The following PDK2 variants were observed in gnomAD, a reference collection of about 807,000 sequenced individuals.
PDK2 encodes pyruvate dehydrogenase kinase 2, also known as pyruvate dehydrogenase kinase, isozyme 2.
A neutral mutation model predicts 50.4 loss-of-function variants in PDK2; 34 were observed. The observed-to-expected ratio is 0.68, with a 90% confidence interval of 0.51 to 0.90. The LOEUF is 0.90. Among genes scored for constraint, PDK2 ranks in the 40% least tolerant of loss-of-function variants. PDK2 has a pLI of 0.00. For synonymous variants in PDK2, 232 were observed against 216.0 expected (o/e 1.07, Z -0.65); for missense variants, 377 against 544.5 (o/e 0.69, Z 3.06).
rs1910238482 is a variant in PDK2 at position 50,101,665 on chromosome 17, C to T, written c.261-3706C>T. Among the ~76,000 whole-genome samples, 2 of 152,182 alleles carry T rather than the reference C, an allele frequency of 1.3e-5. No individual in the cohort carries two copies. Among genetic ancestry groups the T allele is most frequent in the Admixed American group, 6.5e-5 (1 of 15,282 alleles). ...GCTCAGCACCCCCTCTGCTCCCACA[C>T]AGGGCTGCAGGGCCCTCCTCCCACT... On this transcript the variant is annotated intron_variant, in intron 2 of 10. Transcript: ENST00000503176. This position sits in a 1 kb window ranked among gnomAD's most constrained non-coding sequence, Gnocchi z 4.2.
chr17:50,102,502 C>T (rs979539480), intron 2 of PDK2, among the ~76,000 whole-genome samples: 1 of 152,146 alleles, frequency 6.6e-6, no homozygotes, highest in Non-Finnish European at 1.5e-5. Flanking sequence ...AGCTCCCACC[C>T]GCTTCATCCC....
At position 50,097,475 on chromosome 17, in the gene PDK2, G is replaced by A. The variant is rs1567710861; in HGVS notation, c.171G>A (p.Leu57=). 2 of 1,613,954 alleles carry A rather than the reference G, an allele frequency of 1.2e-6. No individual in the cohort carries two copies. Among genetic ancestry groups the A allele is most frequent in the South Asian group, 1.1e-5 (1 of 91,082 alleles). Residue 57 remains leucine, a synonymous_variant, in exon 2 of 11, where the codon CTG becomes CTA. Coordinates refer to ENST00000503176, the MANE Select transcript of PDK2 (RefSeq NM_002611.5). ...KTSFTFLRQE[L]PVRLANIMKE... ...CCTTCACCTTCCTCAGGCAGGAGCT[G>A]CCTGTGCGCCTGGCCAACATCATGA...
At chr17:50,106,724 G>C (rs1910535114) in intron 4 of PDK2, 70 bp from the exon 5 acceptor site, 16 of 1,307,060 alleles carry the variant, frequency 1.2e-5, no homozygotes, top group Non-Finnish European at 1.8e-5. Flanking sequence ...GAGGAGGAAA[G>C]CCCGGGGGAA....
At position 50,108,333 on chromosome 17, in the gene PDK2, G is replaced by A. The variant is rs755434188; in HGVS notation, c.777G>A (p.Ala259=). 44 of 1,613,874 alleles carry A rather than the reference G, an allele frequency of 2.7e-5. No individual in the cohort carries two copies. The highest frequency in any genetic ancestry group is 3.3e-5 in the Non-Finnish European group (39 of 1,179,902). Residue 259 remains alanine, a synonymous_variant, in exon 8 of 11, where the codon GCG becomes GCA. Transcript: ENST00000503176. ...CCCCTCCGCAGAATGCCATGAGGGC[G>A]ACTGTGGAAAGCCATGAGTCCAGCC... ...LFELFKNAMR[A]TVESHESSLI...
Position 50,106,898 on chromosome 17 carries a change from C to T in PDK2, c.607+15C>T, listed in dbSNP as rs201610842. ...GGTGGTCAAAGGTGAGCCATTCCCA[C>T]GGTGCCTGGCCCGCAGAGAAGCCCC... On this transcript the variant is annotated intron_variant, in intron 5 of 10. Transcript: ENST00000503176. 335 of 1,609,246 alleles carry T rather than the reference C, an allele frequency of 2.1e-4. 5 individuals carry two copies. In the East Asian group the frequency reaches 4.4e-3, roughly 21 times the overall value.
At chr17:50,104,807 G>T (rs1049543827) in intron 2 of PDK2, among the ~76,000 whole-genome samples, 4 of 152,218 alleles carry the variant, frequency 2.6e-5, no homozygotes, top group Non-Finnish European at 5.9e-5. Context: ...GCCGAGGCAG[G>T]TGCCTGGCCC....
intron 2 of PDK2, chr17:50,097,819 C>T: frequency 2.4e-6 from 1 of 412,252 alleles, no homozygotes; most frequent in Non-Finnish European, 4.4e-6. Context: ...ACAGGATCCA[C>T]CTAGGAAAGC....
chr17:50,106,948 C>A, intron 5 of PDK2, 65 bp downstream of exon 5: 3 of 1,501,304 alleles, frequency 2.0e-6, no homozygotes, highest in Non-Finnish European at 2.8e-6. Flanking sequence ...GCTTACCTGG[C>A]CAGAGGGTGA....
chr17:50,106,227 T>C (rs1910510570), intron 4 of PDK2, 158 bp downstream of exon 4: 3 of 1,421,462 alleles, frequency 2.1e-6, no homozygotes, highest in Non-Finnish European at 2.8e-6. Context: ...GGCTCCAACA[T>C]GGAAAAATAA....
In PDK2 at chr17:50,108,473, G is replaced by T. The variant is rs546691225; in HGVS notation, c.861+56G>T. On this transcript the variant is annotated intron_variant, in intron 8 of 10. Transcript: ENST00000503176. ...GAGCAGTAGTGGGGGCTTCCCTCCT[G>T]CCAGGAGACGGGCTTTCCTTTTCTC... 398 of 1,467,094 alleles carry T rather than the reference G, an allele frequency of 2.7e-4. 7 individuals are homozygous for T. The South Asian group carries it at 3.8e-3, about 14-fold the overall frequency. The allele number at this position is 1,467,094 out of a possible 1,614,324, so 90.9% of individuals were successfully genotyped here.
chr17:50,105,201 G>T, intron 2 of PDK2, 170 bp from the exon 3 acceptor site: 1 of 494,000 alleles, frequency 2.0e-6, no homozygotes, highest in South Asian at 3.6e-5. Flanking sequence ...TTGTCAGGGA[G>T]ACTCACATAC....
At chr17:50,095,209 G>T (rs1047653636), upstream of PDK2, 15 of 495,260 alleles carry the variant, frequency 3.0e-5, no homozygotes, top group Non-Finnish European at 5.0e-5. Context: ...AAGGGGGCGG[G>T]CCCGGGGGAA....
Position 50,108,347 on chromosome 17 carries a change from A to G in PDK2, c.791A>G (p.His264Arg), listed in dbSNP as rs748770979. The G allele has an allele frequency of 1.9e-6, 3 of 1,614,128 alleles. No homozygotes were observed. Among genetic ancestry groups the G allele is most frequent in the Non-Finnish European group, 2.5e-6 (3 of 1,179,984 alleles). Residue 264 changes from histidine (H) to arginine (R), a missense_variant, in exon 8 of 11, where the codon CAT becomes CGT. Coordinates refer to ENST00000503176, the MANE Select transcript of PDK2 (RefSeq NM_002611.5). The part of the protein sequence containing the change: ...KNAMRATVES[H>R]ESSLILPPIK... ...GCCATGAGGGCGACTGTGGAAAGCC[A>G]TGAGTCCAGCCTCATTCTCCCACCC...
At chr17:50,103,072 C>T (rs1910319143) in intron 2 of PDK2, among the ~76,000 whole-genome samples, 1 of 152,102 alleles carries the variant, frequency 6.6e-6, no homozygotes, top group Non-Finnish European at 1.5e-5. Flanking sequence ...TGGGACTCGG[C>T]ACAAGTGGGT....
At chr17:50,108,871 C>T (rs1910665171) in intron 9 of PDK2, 152 bp downstream of exon 9, 3 of 614,390 alleles carry the variant, frequency 4.9e-6, no homozygotes, top group South Asian at 1.9e-5. Context: ...CACATCTCCC[C>T]AGTCTGCACA....
chr17:50,104,756 C>T (rs955174786), intron 2 of PDK2, among the ~76,000 whole-genome samples: 2 of 152,230 alleles, frequency 1.3e-5, no homozygotes, highest in African/African-American at 4.8e-5. Flanking sequence ...ACGCCCACCC[C>T]ACCTTTGGGT....
intron 1 of PDK2, 42 bp downstream of exon 1, chr17:50,095,595 G>T: frequency 6.5e-7 from 1 of 1,546,464 alleles, no homozygotes; most frequent in East Asian, 2.3e-5. Flanking sequence ...GAGGCCGGCG[G>T]GGCGCTGGGA....
chr17:50,109,939 G>A lies in PDK2; in HGVS notation c.1084-18G>A. 6.6e-7 allele frequency: 1 copy of A among 1,523,302 alleles called. No individual in the cohort carries two copies. The highest frequency in any genetic ancestry group is 8.9e-7 in the Non-Finnish European group (1 of 1,127,294). The allele number at this position is 1,523,302 out of a possible 1,614,324, so 94.4% of individuals were successfully genotyped here. ...AAGGCACAGGGAGGTGGGAGGGGCT[G>A]ACCCTGACACTCCCCAGGCCCTGTC... On this transcript the variant is annotated intron_variant, in intron 10 of 10. Transcript: ENST00000503176. The surrounding 1 kb of genome is among the most constrained non-coding windows in gnomAD (Gnocchi z 5.0).
At position 50,097,548 on chromosome 17, in the gene PDK2, C is replaced by A. The variant is rs1910014101; in HGVS notation, c.244C>A (p.Gln82Lys). The A allele has an allele frequency of 6.2e-7, 1 of 1,613,282 alleles. No individual in the cohort carries two copies. The highest frequency in any genetic ancestry group is 8.5e-7 in the Non-Finnish European group (1 of 1,179,986). ...PDRVLSTPSV[Q>K]LVQSWYVQSL... is the part of the protein sequence containing the mutation. ...CCGAGTGCTGAGCACACCCTCCGTG[C>A]AGCTGGTGCAGAGCTGGTGAGACCC... The change falls in exon 2 of 11, where the codon CAG becomes AAG. Residue 82 changes from glutamine (Q) to lysine (K), a missense_variant. By Grantham distance (53) the Gln-to-Lys change is moderately conservative. This residue lies in a region of PDK2 where 100 missense variants were observed against 115.5 expected (regional missense o/e 0.87). Coordinates refer to ENST00000503176, the MANE Select transcript of PDK2 (RefSeq NM_002611.5).
Sources: allele counts gnomAD v4.1 joint callset (sites outside exome capture counted in the v4.1 genomes callset), GRCh38; gene constraint gnomAD v4.1.1; regional missense constraint gnomAD v4.1.1; non-coding constraint Gnocchi (gnomAD v3.1); transcripts MANE v1.5; gene names NCBI Gene and HGNC (gene_info 2026-07-23, HGNC 2026-07-21).